SASH1: variants seen among roughly 807,000 people sequenced by gnomAD.
SASH1 encodes the protein SAM and SH3 domain containing 1.
A neutral mutation model predicts 125.2 loss-of-function variants in SASH1; 44 were observed. The observed-to-expected ratio is 0.35, with a 90% CI of 0.28 to 0.45. The LOEUF (loss-of-function observed/expected upper bound fraction) is 0.45. SASH1 is among the 20% of genes least tolerant of loss of function. The probability of loss-of-function intolerance (pLI) is 1.00; values close to 1 mark genes in which losing one functional copy is unlikely to be tolerated. For synonymous variants in SASH1, 639 were observed against 649.1 expected, an observed-to-expected ratio of 0.98 and a Z score of 0.24; for missense variants, 1,426 against 1,614.5, an observed-to-expected ratio of 0.88 and a Z score of 2.00.
intron 10 of SASH1, chr6:148,524,399 C>T (rs186371368): frequency 6.6e-6 from 1 of 152,024 alleles, no homozygotes; most frequent in East Asian, 1.9e-4. Context: ...TTGTGGGGCA[C>T]AGGGCGGTCA....
At chr6:148,327,394 C>G (rs1780859486) in intron 1 of SASH1, among the ~76,000 whole-genome samples, 1 of 151,314 alleles carries the variant, frequency 6.6e-6, no homozygotes, top group South Asian at 2.1e-4. Flanking sequence ...AAGGAATTCT[C>G]CTGCCTCAGC....
At chr6:148,433,430 G>T (rs188621601) in intron 2 of SASH1, among the ~76,000 whole-genome samples, 2 of 136,914 alleles carry the variant, frequency 1.5e-5, no homozygotes, top group African/African-American at 2.8e-5. Context: ...TTTTTGAGAC[G>T]GAGTCTCTCT....
chr6:148,397,862 C>A (rs918996989), intron 2 of SASH1, among the ~76,000 whole-genome samples: 1 of 152,160 alleles, frequency 6.6e-6, no homozygotes, highest in South Asian at 2.1e-4. Flanking sequence ...GAATCACAGA[C>A]AAAATATGTA....
intron 4 of SASH1, among the ~76,000 whole-genome samples, chr6:148,460,154 G>A (rs928318089): frequency 1.3e-5 from 2 of 152,166 alleles, no homozygotes; most frequent in Non-Finnish European, 2.9e-5. Context: ...GGGGATTGAA[G>A]GATAACAAAG....
chr6:148,340,309 C>T (rs568754417), upstream of SASH1, among the ~76,000 whole-genome samples: 6 of 151,988 alleles, frequency 3.9e-5, no homozygotes, highest in East Asian at 1.2e-3. Flanking sequence ...ATGGTGAAAC[C>T]CCGTCTCTAC....
At chr6:148,196,185 T>C in the SASH1 span, among the ~76,000 whole-genome samples, 2 of 152,226 alleles carry the variant, frequency 1.3e-5, no homozygotes, top group Admixed American at 1.3e-4. Flanking sequence ...TTGCAGAATA[T>C]TGGAGTCACT....
chr6:148,433,969 A>G (rs1776173476), intron 2 of SASH1, among the ~76,000 whole-genome samples: 1 of 151,844 alleles, frequency 6.6e-6, no homozygotes. Flanking sequence ...TAAATTGAGA[A>G]GTAACCATTG....
At chr6:148,376,421 G>A (rs1782894722) in intron 1 of SASH1, among the ~76,000 whole-genome samples, 1 of 151,948 alleles carries the variant, frequency 6.6e-6, no homozygotes, top group African/African-American at 2.4e-5. Context: ...ATGAATGAAG[G>A]GCTCTAAAAT....
intron 2 of SASH1, among the ~76,000 whole-genome samples, chr6:148,417,685 G>T (rs1269993851): frequency 1.3e-5 from 2 of 152,012 alleles, no homozygotes; most frequent in African/African-American, 4.8e-5. Flanking sequence ...TGGGCAAGAT[G>T]ACTTAATCTC....
At chr6:148,460,732 A>T (rs1337989147) in intron 4 of SASH1, among the ~76,000 whole-genome samples, 1 of 152,204 alleles carries the variant, frequency 6.6e-6, no homozygotes, top group Non-Finnish European at 1.5e-5. Context: ...TATGCTGAAA[A>T]TCCATTGGAT....
the SASH1 span, among the ~76,000 whole-genome samples, chr6:148,263,183 T>C: frequency 7.1e-6 from 1 of 140,088 alleles, no homozygotes; most frequent in African/African-American, 2.5e-5. Flanking sequence ...ACCTGATGAG[T>C]CAGTGAATGA....
intron 1 of SASH1, among the ~76,000 whole-genome samples, chr6:148,323,852 C>T (rs534128800): frequency 3.9e-5 from 6 of 152,018 alleles, no homozygotes; most frequent in African/African-American, 4.8e-5. Flanking sequence ...CATGGCAGGG[C>T]GCAGTGGCTC....
chr6:148,273,838 A>T (rs981078849), intron 1 of SASH1, among the ~76,000 whole-genome samples: 3 of 152,238 alleles, frequency 2.0e-5, no homozygotes, highest in Non-Finnish European at 4.4e-5. Context: ...AGCTGAGAAC[A>T]GTGCCTGGTA....
At chr6:148,226,559 C>T in the SASH1 span, among the ~76,000 whole-genome samples, 1 of 152,154 alleles carries the variant, frequency 6.6e-6, no homozygotes, top group African/African-American at 2.4e-5. Flanking sequence ...TGCATTATCT[C>T]CCACAACGCG....
chr6:148,310,711 C>T (rs373171531), intron 1 of SASH1, among the ~76,000 whole-genome samples: 4 of 151,864 alleles, frequency 2.6e-5, no homozygotes, highest in Admixed American at 6.6e-5. Flanking sequence ...ATTTTTAAAA[C>T]GGGCAAAAGA....
At chr6:148,457,836 T>G (rs1229422099) in intron 4 of SASH1, among the ~76,000 whole-genome samples, 4 of 152,112 alleles carry the variant, frequency 2.6e-5, no homozygotes, top group Non-Finnish European at 4.4e-5. Flanking sequence ...CTTCTTCACA[T>G]GATGACAAGA....
the SASH1 span, among the ~76,000 whole-genome samples, chr6:148,220,341 G>A: frequency 1.4e-4 from 21 of 152,296 alleles, no homozygotes; most frequent in African/African-American, 2.2e-4. Context: ...GCAGAAGAGC[G>A]AAGAGGTCTG....
intron 8 of SASH1, among the ~76,000 whole-genome samples, chr6:148,503,729 G>C (rs193141288): frequency 4.0e-4 from 60 of 150,164 alleles, no homozygotes; most frequent in African/African-American, 1.3e-3. Context: ...AGGAGTTGGA[G>C]GAGGTAAAGA....
chr6:148,277,637 G>T (rs55954496), intron 1 of SASH1, among the ~76,000 whole-genome samples: 38,858 of 152,126 alleles, frequency 0.26, 5,202 homozygotes, highest in African/African-American at 0.34. Context: ...TTTCCAAATA[G>T]GAAAATAAAG....
Sources: allele counts gnomAD v4.1 joint callset (sites outside exome capture counted in the v4.1 genomes callset), GRCh38; gene constraint gnomAD v4.1.1; transcripts MANE v1.5; gene names NCBI Gene and HGNC (gene_info 2026-07-23, HGNC 2026-07-21).